MGMT: variants seen among roughly 807,000 people sequenced by gnomAD.
MGMT encodes O-6-methylguanine-DNA methyltransferase.
In MGMT, 14 loss-of-function variants were observed where a neutral mutation model predicts 15.9. The observed-to-expected ratio is 0.88, with a 90% CI of 0.58 to 1.37. The LOEUF is 1.37. Among genes scored for constraint, MGMT ranks in the 40% most tolerant of loss-of-function variants. The pLI, the probability that MGMT is intolerant of heterozygous loss-of-function variation, is 0.00. For synonymous variants in MGMT, 130 were observed against 118.2 expected (o/e 1.10, Z -0.65); for missense variants, 282 against 268.1 (o/e 1.05, Z -0.36).
intron 3 of MGMT, among the ~76,000 whole-genome samples, chr10:129,721,002 A>T (rs1318491612): frequency 6.6e-6 from 1 of 152,002 alleles, no homozygotes; most frequent in African/African-American, 2.4e-5. Context: ...ATGTTATCGG[A>T]TGAGAAGGGT....
intron 2 of MGMT, among the ~76,000 whole-genome samples, chr10:129,591,963 CTTGT>C (rs1846692257): frequency 6.6e-6 from 1 of 152,142 alleles, no homozygotes. Context: ...AAAGAATGTC[CTTGT>C]TGAAGCAATA....
At chr10:129,601,411 CT>C (rs1846820282) in intron 2 of MGMT, among the ~76,000 whole-genome samples, 2 of 152,192 alleles carry the variant, frequency 1.3e-5, no homozygotes, top group African/African-American at 4.8e-5. Flanking sequence ...CTTCATTCTC[CT>C]TTGGCTTAAG....
At chr10:129,717,477 T>A (rs1295469716) in intron 3 of MGMT, 1 of 152,208 alleles carries the variant, frequency 6.6e-6, no homozygotes, top group African/African-American at 2.4e-5. Flanking sequence ...GTCTCTTGAT[T>A]TGTATTTTAA....
chr10:129,750,877 G>C (rs1848744245), intron 3 of MGMT, among the ~76,000 whole-genome samples: 1 of 151,988 alleles, frequency 6.6e-6, no homozygotes, highest in Non-Finnish European at 1.5e-5. Context: ...TTCAAATATT[G>C]AATCAGCCTT....
intron 2 of MGMT, among the ~76,000 whole-genome samples, chr10:129,557,167 A>G (rs1026589245): frequency 2.0e-5 from 3 of 152,200 alleles, no homozygotes; most frequent in Admixed American, 2.0e-4. Context: ...CCATTATCCT[A>G]TCAGAAAGCA....
At chr10:129,638,710 C>T (rs1419644262) in intron 2 of MGMT, among the ~76,000 whole-genome samples, 4 of 152,044 alleles carry the variant, frequency 2.6e-5, no homozygotes, top group African/African-American at 4.8e-5. Flanking sequence ...AAACTATTCT[C>T]ACAAGGCCTC....
At chr10:129,471,990 T>C (rs933390200) in intron 1 of MGMT, among the ~76,000 whole-genome samples, 5 of 152,246 alleles carry the variant, frequency 3.3e-5, no homozygotes, top group Non-Finnish European at 7.3e-5. Context: ...TATGACAAGA[T>C]GCAGATGTTA....
In MGMT at chr10:129,767,129, C is replaced by A; in HGVS notation, c.*132C>A. The stretch of plus-strand genomic sequence containing the variant: ...ACAAGCGTGTCTGCCCTTTCTGTTT[C>A]CATATTTTACAGCAGGATGAGTTCA... On this transcript the variant is annotated 3_prime_UTR_variant, in exon 5 of 5. Transcript: ENST00000651593. 1.3e-6 allele frequency: 1 copy of A among 773,494 alleles called. No homozygotes were observed. 47.9% of individuals were successfully genotyped at this position (773,494 alleles called of 1,614,324 possible). A position where few individuals can be genotyped will look rare whatever the true frequency, so the allele number is the denominator to read the frequency against.
At chr10:129,707,606 G>A (rs1043071471) in intron 2 of MGMT, among the ~76,000 whole-genome samples, 11 of 152,170 alleles carry the variant, frequency 7.2e-5, no homozygotes, top group African/African-American at 2.2e-4. Flanking sequence ...AGGTGCAGCC[G>A]TGCCATCTGT....
chr10:129,499,650 A>G (rs1845555631), intron 1 of MGMT, among the ~76,000 whole-genome samples: 1 of 152,232 alleles, frequency 6.6e-6, no homozygotes, highest in African/African-American at 2.4e-5. Flanking sequence ...TTGAAAATTC[A>G]TTCGATGAAC....
At chr10:129,621,484 G>A (rs1228907877) in intron 2 of MGMT, among the ~76,000 whole-genome samples, 3 of 152,204 alleles carry the variant, frequency 2.0e-5, no homozygotes, top group Admixed American at 1.3e-4. Context: ...AAGGGCGCAG[G>A]GGGGTTTAAT....
intron 2 of MGMT, among the ~76,000 whole-genome samples, chr10:129,652,574 G>C (rs1480079714): frequency 6.6e-6 from 1 of 152,258 alleles, no homozygotes; most frequent in African/African-American, 2.4e-5. Flanking sequence ...GAGCAAGAAA[G>C]CATCGGCACT....
intron 2 of MGMT, chr10:129,701,107 C>A (rs1341899981): frequency 6.6e-6 from 1 of 152,216 alleles, no homozygotes; most frequent in African/African-American, 2.4e-5. Flanking sequence ...GGCGAGGCCA[C>A]TAAAAGCTTT....
At chr10:129,748,772 A>G (rs951637220) in intron 3 of MGMT, among the ~76,000 whole-genome samples, 2 of 152,190 alleles carry the variant, frequency 1.3e-5, no homozygotes, top group African/African-American at 2.4e-5. Flanking sequence ...CCATTACCAC[A>G]TGGATTCTTC....
At chr10:129,624,927 G>C (rs1847129933) in intron 2 of MGMT, among the ~76,000 whole-genome samples, 1 of 152,146 alleles carries the variant, frequency 6.6e-6, no homozygotes, top group Admixed American at 6.5e-5. Flanking sequence ...AATAAGATCA[G>C]ATATCAGCAA....
chr10:129,631,159 T>TG (rs1384540794), intron 2 of MGMT, among the ~76,000 whole-genome samples: 4 of 152,230 alleles, frequency 2.6e-5, no homozygotes, highest in African/African-American at 9.6e-5. Context: ...GCTTTTTTTT[T>TG]TTGTTATTTT....
At chr10:129,564,711 C>T (rs1389123096) in intron 2 of MGMT, among the ~76,000 whole-genome samples, 2 of 145,432 alleles carry the variant, frequency 1.4e-5, no homozygotes, top group South Asian at 2.4e-4. Context: ...TCCTCTTCCT[C>T]CTCCTCCTGC....
At chr10:129,711,298 A>G (rs1378730741) in intron 3 of MGMT, among the ~76,000 whole-genome samples, 1 of 152,234 alleles carries the variant, frequency 6.6e-6, no homozygotes, top group East Asian at 1.9e-4. Flanking sequence ...AACTTATCAA[A>G]TACCAGAAAT....
chr10:129,592,233 A>C (rs545633303), intron 2 of MGMT, among the ~76,000 whole-genome samples: 1 of 152,226 alleles, frequency 6.6e-6, no homozygotes, highest in Non-Finnish European at 1.5e-5. Flanking sequence ...TTTCAAGGAA[A>C]ATAGCTGACA....
Sources: gnomAD v4.1 joint callset for allele counts (sites outside exome capture counted in the v4.1 genomes callset) on GRCh38, gnomAD v4.1.1 for gene constraint, MANE v1.5 for transcripts, NCBI Gene and HGNC (gene_info 2026-07-23, HGNC 2026-07-21) for gene names.